RBM10: variants seen among roughly 807,000 people sequenced by gnomAD.
RBM10 encodes the protein RNA binding motif protein 10.
RBM10 carries 1 observed loss-of-function variant against 84.9 expected under a neutral mutation model. That is an observed-to-expected ratio of 0.01 (90% CI 0.00 to 0.06). RBM10 has a LOEUF of 0.06. Ranked by LOEUF, RBM10 falls within the 10% of genes least tolerant of loss-of-function variation. The pLI is 1.00. For synonymous variants in RBM10, 326 were observed against 344.5 expected (o/e 0.95, Z 0.60); for missense variants, 438 against 839.0 (o/e 0.52, Z 5.90).
At chrX:47,152,727 G>A (rs1042262168) in intron 2 of RBM10, among the ~76,000 whole-genome samples, 2 of 104,928 alleles carry the variant, frequency 1.9e-5, no homozygotes, top group African/African-American at 7.0e-5. Context: ...AATTACAGGC[G>A]TGAGCTACCG....
chrX:47,150,163 T>TG (rs1556763254), intron 2 of RBM10, among the ~76,000 whole-genome samples: 1 of 109,324 alleles, frequency 9.1e-6, no homozygotes, highest in Non-Finnish European at 1.9e-5. Context: ...GTATAGTGTT[T>TG]TTTGTTTGTT....
intron 8 of RBM10, 70 bp downstream of exon 8, chrX:47,179,233 G>T (rs377205689): frequency 2.2e-4 from 257 of 1,189,970 alleles, no homozygotes; most frequent in Non-Finnish European, 2.8e-4. Flanking sequence ...TGAGGGGTCT[G>T]TGCTCAGGGC....
In RBM10 at chrX:47,169,365, A is replaced by G; in HGVS notation, c.68A>G (p.Gln23Arg). The G allele has an allele frequency of 8.3e-7, 1 of 1,212,098 alleles. No homozygotes were observed. The highest frequency in any genetic ancestry group is 1.1e-6 in the Non-Finnish European group (1 of 895,439). ...CGCTATGGAGCCACTGACCGCTCGC[A>G]GGATGATGGTGGGGAGAACCGCAGC... ...TGRYGATDRS[Q>R]DDGGENRSRD... Residue 23 changes from glutamine to arginine, a missense_variant, in exon 3 of 24, where the codon CAG becomes CGG. Gln to Arg is a conservative substitution (Grantham distance 43, BLOSUM62 1). Transcript: ENST00000377604.
At chrX:47,184,053 G>C (rs1415161176) in intron 17 of RBM10, among the ~76,000 whole-genome samples, 2 of 111,867 alleles carry the variant, frequency 1.8e-5, no homozygotes, top group East Asian at 5.6e-4. Flanking sequence ...AAGCAGCCGC[G>C]ATCTCTTGAG....
chrX:47,173,889 ATCTCTCTCTCTCTCTCTC>A (rs537480494), intron 5 of RBM10, among the ~76,000 whole-genome samples: 8 of 38,596 alleles, frequency 2.1e-4, no homozygotes, highest in African/African-American at 7.4e-4. Flanking sequence ...CCACACCTCC[ATCTCTCTCTCTCTCTCTC>A]TCTCTCTCTC....
chrX:47,148,972 TATC>T (rs1300160437), intron 2 of RBM10, among the ~76,000 whole-genome samples: 2 of 108,736 alleles, frequency 1.8e-5, no homozygotes, highest in African/African-American at 3.3e-5. Context: ...ATCATAGATT[TATC>T]ATATAGATCA....
chrX:47,181,129 G>GT (rs1284875504), intron 12 of RBM10, 86 bp from the exon 13 acceptor site: 2 of 533,448 alleles, frequency 3.7e-6, no homozygotes, highest in African/African-American at 4.7e-5. Flanking sequence ...CTAGCCCCAC[G>GT]TGTGGGACAG....
At chrX:47,153,329 A>G (rs1198261706) in intron 2 of RBM10, among the ~76,000 whole-genome samples, 1 of 112,299 alleles carries the variant, frequency 8.9e-6, no homozygotes, top group Non-Finnish European at 1.9e-5. Context: ...GGTTTTCCCC[A>G]ATCCAGGATC....
chrX:47,161,769 C>T (rs1226094130), intron 2 of RBM10, among the ~76,000 whole-genome samples: 2 of 109,928 alleles, frequency 1.8e-5, no homozygotes, highest in Non-Finnish European at 3.8e-5. Flanking sequence ...CGGGCTCGAG[C>T]GATCCGCCCA....
At position 47,145,224 on chromosome X, in the gene RBM10, A is replaced by T. The variant is rs1334425163; in HGVS notation, c.-387A>T. On this transcript the variant is annotated 5_prime_UTR_variant, in exon 1 of 24. Coordinates refer to ENST00000377604, the MANE Select transcript of RBM10 (RefSeq NM_005676.5). ...GCCGGCCAGAGCGCGCTTCCTTAGT[A>T]GGTGGATGGTGGTCGGAGCGCCGAC... is the stretch of plus-strand genomic sequence containing the variant. The T allele has an allele frequency of 6.7e-6, 3 of 444,597 alleles. No homozygotes were observed. The highest frequency in any genetic ancestry group is 1.2e-5 in the Non-Finnish European group (3 of 253,346). The allele number at this position is 444,597 out of a possible 1,213,427, so 36.6% of individuals were successfully genotyped here.
intron 2 of RBM10, among the ~76,000 whole-genome samples, chrX:47,168,728 C>T (rs189638020): frequency 9.0e-6 from 1 of 111,105 alleles, no homozygotes; most frequent in Non-Finnish European, 1.9e-5. Flanking sequence ...TCCTGCAAGC[C>T]GAATGAGACC....
intron 11 of RBM10, 33 bp downstream of exon 11, chrX:47,180,342 T>TAC: frequency 9.4e-7 from 1 of 1,059,459 alleles, no homozygotes; most frequent in Non-Finnish European, 1.3e-6. Flanking sequence ...TTCCCACCCT[T>TAC]CCCCTCCCCA....
intron 2 of RBM10, 55 bp from the exon 3 acceptor site, chrX:47,169,260 C>T (rs1934460653): frequency 1.8e-6 from 2 of 1,132,603 alleles, no homozygotes; most frequent in East Asian, 3.0e-5. Context: ...GGGCCTCTTG[C>T]ACCTTTTAGA....
At chrX:47,172,333 C>T (rs1934736466) in intron 4 of RBM10, among the ~76,000 whole-genome samples, 1 of 112,101 alleles carries the variant, frequency 8.9e-6, no homozygotes, top group South Asian at 3.7e-4. Context: ...CCTTTTCACC[C>T]TGTGTATGGG....
At chrX:47,173,556 C>G (rs1487986071) in intron 5 of RBM10, among the ~76,000 whole-genome samples, 1 of 112,452 alleles carries the variant, frequency 8.9e-6, no homozygotes. Flanking sequence ...CCTTCCTCTG[C>G]CCCTCACTTT....
At chrX:47,166,730 C>T (rs1339334684) in intron 2 of RBM10, among the ~76,000 whole-genome samples, 8 of 109,293 alleles carry the variant, frequency 7.3e-5, no homozygotes, top group East Asian at 2.8e-4. Context: ...ACTTTCACCC[C>T]GCAAAGTGCT....
At chrX:47,159,751 C>T (rs1933513740) in intron 2 of RBM10, among the ~76,000 whole-genome samples, 2 of 111,805 alleles carry the variant, frequency 1.8e-5, no homozygotes, top group Admixed American at 9.6e-5. Flanking sequence ...TCAATAAGTG[C>T]TGGGATAGGT....
intron 1 of RBM10, among the ~76,000 whole-genome samples, chrX:47,147,090 C>T (rs974780140): frequency 3.6e-5 from 4 of 111,733 alleles, no homozygotes; most frequent in Admixed American, 9.5e-5. Context: ...TGGGTGGCCC[C>T]GCCAGGTCTC....
chrX:47,145,502 G>T lies in RBM10; in HGVS notation c.-126+17G>T, dbSNP rs1932035675. ...GCCGAGAAGGTGAGCGTCGACGCTG[G>T]TCGTGGGGGCGGAGGTAAGGGGCCC... is the stretch of plus-strand genomic sequence containing the variant. On this transcript the variant is annotated intron_variant, in intron 1 of 23. Transcript: ENST00000377604. 8.7e-7 allele frequency: 1 copy of T among 1,150,058 alleles called. No homozygotes were observed. Among genetic ancestry groups the T allele is most frequent in the African/African-American group, 1.8e-5 (1 of 55,180 alleles). 94.8% of individuals were successfully genotyped at this position (1,150,058 alleles called of 1,213,427 possible).
Sources: allele counts gnomAD v4.1 joint callset (sites outside exome capture counted in the v4.1 genomes callset), GRCh38; gene constraint gnomAD v4.1.1; transcripts MANE v1.5; gene names NCBI Gene and HGNC (gene_info 2026-07-23, HGNC 2026-07-21).